Variants in KCNN2 observed in about 807,000 individuals in gnomAD.
KCNN2 encodes small conductance calcium-activated potassium channel protein 2.
Under a neutral mutation model 55.5 loss-of-function variants are expected in KCNN2, and 24 were observed. That is an observed-to-expected ratio of 0.43 (90% CI 0.31 to 0.61). The LOEUF (loss-of-function observed/expected upper bound fraction) is 0.61. KCNN2 is among the 20% of genes least tolerant of loss of function. The pLI, the probability that KCNN2 is intolerant of heterozygous loss-of-function variation, is 0.08. For synonymous variants in KCNN2, 431 were observed against 336.1 expected (o/e 1.28, Z -3.09); for missense variants, 754 against 853.6 (o/e 0.88, Z 1.45).
At chr5:114,293,255 TC>T (rs1185193511) in intron 2 of KCNN2, among the ~76,000 whole-genome samples, 1 of 152,180 alleles carries the variant, frequency 6.6e-6, no homozygotes, top group Non-Finnish European at 1.5e-5. Flanking sequence ...AGAGAGGGCA[TC>T]CCTGTCTTGT....
chr5:114,255,192 CAAG>C (rs1250324945), intron 2 of KCNN2, among the ~76,000 whole-genome samples: 1 of 152,130 alleles, frequency 6.6e-6, no homozygotes, highest in Non-Finnish European at 1.5e-5. Context: ...TGTCTTCCCT[CAAG>C]GAGTTTATCA....
intron 2 of KCNN2, among the ~76,000 whole-genome samples, chr5:114,252,572 T>C (rs1754888231): frequency 6.6e-6 from 1 of 152,138 alleles, no homozygotes; most frequent in Non-Finnish European, 1.5e-5. Flanking sequence ...CCCTTAGTTT[T>C]ATCCCATTTG....
At chr5:114,146,227 G>C (rs1445964686) in intron 1 of KCNN2, among the ~76,000 whole-genome samples, 2 of 152,138 alleles carry the variant, frequency 1.3e-5, no homozygotes, top group South Asian at 2.1e-4. Context: ...GGAATATTAA[G>C]AAAATTTAAC....
At chr5:114,130,098 T>C (rs1357577942) in intron 1 of KCNN2, among the ~76,000 whole-genome samples, 3 of 152,254 alleles carry the variant, frequency 2.0e-5, no homozygotes, top group Non-Finnish European at 4.4e-5. Flanking sequence ...CAGCTCCTGC[T>C]ATCATTTAAG....
chr5:114,228,429 C>G (rs1754286204), intron 2 of KCNN2, among the ~76,000 whole-genome samples: 1 of 151,520 alleles, frequency 6.6e-6, no homozygotes, highest in Non-Finnish European at 1.5e-5. Context: ...GTCAACCAAA[C>G]AGATTTTAAA....
chr5:114,213,650 T>G (rs1221193748), intron 1 of KCNN2, among the ~76,000 whole-genome samples: 1 of 152,052 alleles, frequency 6.6e-6, no homozygotes, highest in Non-Finnish European at 1.5e-5. Flanking sequence ...TTCCCAGCAA[T>G]GGCTAAGTCT....
chr5:114,343,676 G>A (rs1348560678), intron 2 of KCNN2, among the ~76,000 whole-genome samples: 1 of 151,932 alleles, frequency 6.6e-6, no homozygotes, highest in Non-Finnish European at 1.5e-5. Context: ...TGGCTACTTG[G>A]AGGACAAAGA....
chr5:114,385,959 G>A (rs1050614086), intron 2 of KCNN2, among the ~76,000 whole-genome samples: 3 of 151,388 alleles, frequency 2.0e-5, no homozygotes, highest in Non-Finnish European at 4.4e-5. Flanking sequence ...CGGGCGGATC[G>A]TGAGGTCAGG....
intron 1 of KCNN2, among the ~76,000 whole-genome samples, chr5:114,102,747 A>G (rs969657892): frequency 1.3e-5 from 2 of 152,130 alleles, no homozygotes; most frequent in Non-Finnish European, 2.9e-5. Flanking sequence ...AGATGGTTGT[A>G]GATGTGTGTT....
At chr5:114,156,346 C>A (rs995442854) in intron 1 of KCNN2, among the ~76,000 whole-genome samples, 2 of 151,944 alleles carry the variant, frequency 1.3e-5, no homozygotes, top group Non-Finnish European at 2.9e-5. Flanking sequence ...TTTTACTTGG[C>A]CTTGCCTTGA....
chr5:114,365,648 A>G (rs1003802193), intron 2 of KCNN2, among the ~76,000 whole-genome samples: 1 of 152,234 alleles, frequency 6.6e-6, no homozygotes, highest in East Asian at 1.9e-4. Flanking sequence ...CTGCTGCTAC[A>G]TGCCAAAAAC....
At chr5:114,460,798 G>A (rs1409662283) in intron 3 of KCNN2, among the ~76,000 whole-genome samples, 2 of 152,150 alleles carry the variant, frequency 1.3e-5, no homozygotes, top group South Asian at 2.1e-4. Flanking sequence ...AGTAAGTATG[G>A]TATGTACATA....
In KCNN2 at chr5:114,496,023, C is replaced by T; in HGVS notation, c.2217C>T (p.Leu739=). 2.5e-6 allele frequency: 4 copies of T among 1,614,064 alleles called. No individual in the cohort carries two copies. The highest frequency in any genetic ancestry group is 3.4e-6 in the Non-Finnish European group (4 of 1,179,982). Reference sequence around the variant, plus strand: ...GTAGCATCCACGCCCTCCCTGGGCTCATAAGCCAGACCATCAGGCAGCAGC... The same window carrying T: ...GTAGCATCCACGCCCTCCCTGGGCTTATAAGCCAGACCATCAGGCAGCAGC... ...LIGSIHALPG[L]ISQTIRQQQR... is the part of the protein sequence containing the mutation. Residue 739 remains leucine (L), a synonymous_variant, in exon 8 of 8, where the codon CTC becomes CTT. Transcript: ENST00000673685.
intron 1 of KCNN2, among the ~76,000 whole-genome samples, chr5:114,169,682 T>C (rs1047013449): frequency 4.6e-5 from 7 of 152,090 alleles, no homozygotes; most frequent in Non-Finnish European, 8.8e-5. Context: ...GTCAGTTTCA[T>C]GTGCACCCCT....
chr5:114,086,193 T>C (rs758659857), intron 1 of KCNN2, among the ~76,000 whole-genome samples: 5 of 152,174 alleles, frequency 3.3e-5, no homozygotes, highest in Admixed American at 6.6e-5. Context: ...AGACAGTATA[T>C]AGCTGTGTGT....
intron 1 of KCNN2, among the ~76,000 whole-genome samples, chr5:114,141,657 T>A (rs1252703207): frequency 6.6e-6 from 1 of 152,208 alleles, no homozygotes; most frequent in African/African-American, 2.4e-5. Context: ...AGTAATGGGA[T>A]GGCTGGGTCA....
intron 1 of KCNN2, among the ~76,000 whole-genome samples, chr5:114,107,314 A>G (rs189864376): frequency 2.2e-4 from 34 of 152,128 alleles, no homozygotes; most frequent in Admixed American, 2.2e-3. Context: ...TAAGCTTGGT[A>G]TCTGATAGTG....
chr5:114,139,644 G>C (rs1298101653), intron 1 of KCNN2, among the ~76,000 whole-genome samples: 1 of 150,656 alleles, frequency 6.6e-6, no homozygotes, highest in South Asian at 2.1e-4. Context: ...AAATAATATA[G>C]TATTTACTTT....
intron 1 of KCNN2, among the ~76,000 whole-genome samples, chr5:114,060,521 A>G (rs868216794): frequency 6.6e-6 from 1 of 152,230 alleles, no homozygotes; most frequent in African/African-American, 2.4e-5. Context: ...GAGGTGATCA[A>G]GATGAGACCA....
Sources: allele counts gnomAD v4.1 joint callset (sites outside exome capture counted in the v4.1 genomes callset), GRCh38; gene constraint gnomAD v4.1.1; transcripts MANE v1.5; gene names NCBI Gene and HGNC (gene_info 2026-07-23, HGNC 2026-07-21).